ANO5: variants seen among roughly 807,000 people sequenced by gnomAD.
The protein encoded by ANO5 is anoctamin-5.
Under a neutral mutation model 121.0 loss-of-function variants are expected in ANO5, and 109 were observed. The ratio of observed to expected loss-of-function variants is 0.90; its 90% CI spans 0.77 to 1.06. ANO5 has a LOEUF of 1.06. Among genes scored for constraint, ANO5 ranks in the 50% least tolerant of loss-of-function variants. ANO5 has a pLI of 0.00. For missense variants in ANO5, 1,064 were observed against 1,078.5 expected (o/e 0.99, Z 0.19); for synonymous variants, 406 against 359.9 (o/e 1.13, Z -1.45).
intron 1 of ANO5, among the ~76,000 whole-genome samples, chr11:22,195,440 A>AT (rs1851780275): frequency 6.9e-6 from 1 of 144,848 alleles, no homozygotes. Context: ...TTTTTTTTTT[A>AT]TTTTTTGAGA....
rs375611559 is a variant in ANO5 at position 22,259,579 on chromosome 11, A to T, written c.1468A>T (p.Thr490Ser). The T allele has an allele frequency of 6.8e-6, 11 of 1,614,012 alleles. No individual in the cohort carries two copies. Among genetic ancestry groups the T allele is most frequent in the Non-Finnish European group, 8.5e-6 (10 of 1,180,006 alleles). ...TGTGTACCGCCTGTCAGTCTTTGCTACATTTGCTAGTTTCATGGAAAGTGA... is the reference window on the plus strand; with the variant it reads ...TGTGTACCGCCTGTCAGTCTTTGCTTCATTTGCTAGTTTCATGGAAAGTGA... ...VIVYRLSVFA[T>S]FASFMESDAS... Residue 490 changes from threonine (T) to serine (S), a missense_variant, in exon 15 of 22, where the codon ACA (threonine) becomes TCA (serine). By Grantham distance (58) the Thr-to-Ser change is moderately conservative. Coordinates refer to ENST00000324559, the MANE Select transcript of ANO5 (RefSeq NM_213599.3).
chr11:22,264,112 C>T (rs142399505), intron 17 of ANO5, among the ~76,000 whole-genome samples: 3,041 of 151,080 alleles, frequency 0.02, 103 homozygotes, highest in African/African-American at 0.07. Flanking sequence ...CAACCTCCAC[C>T]TCCTGGGTTC....
chr11:22,202,458 TA>T (rs1005088983), intron 1 of ANO5, among the ~76,000 whole-genome samples: 1 of 64,690 alleles, frequency 1.5e-5, no homozygotes, highest in African/African-American at 4.6e-5. Flanking sequence ...GTAGATTTTT[TA>T]AATTTTTTTT....
rs1855044363 is a variant in ANO5, at chr11:22,280,625, T to G, written c.*860T>G. ...TTTAATTTAGAAAATTGTTAAATTATTTCTTAAAAATCACTTTTCTTCTGG... is the reference window on the plus strand; with the variant it reads ...TTTAATTTAGAAAATTGTTAAATTAGTTCTTAAAAATCACTTTTCTTCTGG... On this transcript the variant is annotated 3_prime_UTR_variant, in exon 22 of 22. Transcript: ENST00000324559. The G allele has an allele frequency of 6.6e-6, 1 of 152,024 alleles. No individual in the cohort carries two copies. The highest frequency in any genetic ancestry group is 2.4e-5 in the African/African-American group (1 of 41,458). 9.4% of individuals were successfully genotyped at this position (152,024 alleles called of 1,614,324 possible).
rs1245583022 is a variant in ANO5 at position 22,270,410 on chromosome 11, C to A, written c.1997C>A (p.Pro666His). The change falls in exon 18 of 22, where the codon CCC (proline) becomes CAC (histidine). Residue 666 changes from proline (P) to histidine (H), a missense_variant. Physicochemically the swap from Pro to His is moderately conservative, Grantham distance 77. Coordinates refer to ENST00000324559, the MANE Select transcript of ANO5 (RefSeq NM_213599.3). The part of the protein sequence containing the change: ...EQDHDLESFG[P>H]LGLFYEYLET... ...GATCATGACCTTGAAAGTTTTGGAC[C>A]CCTTGGGCTTTTCTATGAGTACTTA... The A allele has an allele frequency of 6.2e-7, 1 of 1,613,918 alleles. No individual in the cohort carries two copies. Among genetic ancestry groups the A allele is most frequent in the Non-Finnish European group, 8.5e-7 (1 of 1,180,004 alleles).
chr11:22,204,387 T>C (rs1852050103), intron 2 of ANO5, among the ~76,000 whole-genome samples: 1 of 152,142 alleles, frequency 6.6e-6, no homozygotes, highest in Non-Finnish European at 1.5e-5. Context: ...AATATAAGCA[T>C]GTTAAAGGCA....
chr11:22,244,738 T>C (rs1319600644), intron 9 of ANO5, among the ~76,000 whole-genome samples: 1 of 152,148 alleles, frequency 6.6e-6, no homozygotes, highest in East Asian at 1.9e-4. Flanking sequence ...AGTTCAGTTT[T>C]GTTTTTTCCT....
chr11:22,249,954 A>C (rs1442958570), intron 9 of ANO5, among the ~76,000 whole-genome samples: 3 of 152,184 alleles, frequency 2.0e-5, no homozygotes, highest in Non-Finnish European at 4.4e-5. Flanking sequence ...TATCTTATTT[A>C]AATTTTAAAG....
intron 4 of ANO5, among the ~76,000 whole-genome samples, chr11:22,219,827 G>A (rs1443915540): frequency 6.6e-6 from 1 of 151,256 alleles, no homozygotes; most frequent in Admixed American, 6.6e-5. Flanking sequence ...TGGCTGAGGT[G>A]AAGAGAACTC....
chr11:22,232,389 A>G (rs1296351640), intron 7 of ANO5, among the ~76,000 whole-genome samples: 1 of 151,740 alleles, frequency 6.6e-6, no homozygotes, highest in Non-Finnish European at 1.5e-5. Flanking sequence ...TTTCTTGTCA[A>G]TTTGCAGTAG....
intron 9 of ANO5, among the ~76,000 whole-genome samples, chr11:22,245,017 G>A (rs907891875): frequency 1.3e-5 from 2 of 152,154 alleles, no homozygotes; most frequent in African/African-American, 4.8e-5. Context: ...TGTAGTATAA[G>A]TTGAGTATAG....
At chr11:22,210,329 TTC>T (rs906600298) in intron 2 of ANO5, among the ~76,000 whole-genome samples, 1 of 151,862 alleles carries the variant, frequency 6.6e-6, no homozygotes, top group African/African-American at 2.4e-5. Flanking sequence ...TTGTGGCACA[TTC>T]TGTTACTTTA....
In ANO5 at chr11:22,281,138, T is replaced by C. The variant is rs1007150592; in HGVS notation, c.*1373T>C. 5 of 152,050 alleles carry C rather than the reference T, an allele frequency of 3.3e-5. No homozygotes were observed. Among genetic ancestry groups the C allele is most frequent in the Non-Finnish European group, 5.9e-5 (4 of 67,892 alleles). The allele number at this position is 152,050 out of a possible 1,614,324, so 9.4% of individuals were successfully genotyped here. On this transcript the variant is annotated 3_prime_UTR_variant, in exon 22 of 22. Transcript: ENST00000324559. ...TATAATTATTAGCACTAGAGGGATA[T>C]AGTCCAGTTATGTAGTATTTAAATC... is the stretch of plus-strand genomic sequence containing the variant.
chr11:22,222,314 C>A (rs752954701), intron 5 of ANO5, among the ~76,000 whole-genome samples: 1 of 151,958 alleles, frequency 6.6e-6, no homozygotes, highest in African/African-American at 2.4e-5. Context: ...TTCCAGCAAT[C>A]TTTTAAAATC....
chr11:22,272,301 G>T (rs1027259122), intron 18 of ANO5, among the ~76,000 whole-genome samples: 1 of 41,470 alleles, frequency 2.4e-5, no homozygotes, highest in South Asian at 1.0e-3. Context: ...TTCCTTTTCC[G>T]GCACACACAC....
chr11:22,211,521 G>A (rs1852276450), intron 3 of ANO5, among the ~76,000 whole-genome samples: 1 of 151,866 alleles, frequency 6.6e-6, no homozygotes, highest in Non-Finnish European at 1.5e-5. Context: ...ATGACGCACT[G>A]AGTATAACAC....
intron 9 of ANO5, among the ~76,000 whole-genome samples, chr11:22,247,268 A>C (rs567163186): frequency 6.6e-6 from 1 of 152,172 alleles, no homozygotes; most frequent in Non-Finnish European, 1.5e-5. Flanking sequence ...GTGTTGGCAA[A>C]GAAGATTTGA....
chr11:22,273,022 TATTTC>T, intron 19 of ANO5, 33 bp downstream of exon 19: 1 of 1,588,524 alleles, frequency 6.3e-7, no homozygotes, highest in Non-Finnish European at 8.6e-7. Flanking sequence ...GGTGACTTTG[TATTTC>T]ATTTTGGGGG....
intron 2 of ANO5, among the ~76,000 whole-genome samples, chr11:22,204,422 A>G (rs192196165): frequency 2.0e-5 from 3 of 152,270 alleles, no homozygotes; most frequent in African/African-American, 7.2e-5. Flanking sequence ...TTTTTCTGAT[A>G]GACTCTAGTT....
Sources: allele counts gnomAD v4.1 joint callset (sites outside exome capture counted in the v4.1 genomes callset), GRCh38; gene constraint gnomAD v4.1.1; transcripts MANE v1.5; gene names NCBI Gene and HGNC (gene_info 2026-07-23, HGNC 2026-07-21).